The following DOCK1 variants were observed in gnomAD, a reference collection of about 807,000 sequenced individuals.
DOCK1 encodes the protein dedicator of cytokinesis 1, also known as dedicator of cytokinesis protein 1.
A neutral mutation model predicts 262.7 loss-of-function variants in DOCK1; 138 were observed. That is an observed-to-expected ratio of 0.53 (90% CI 0.46 to 0.61). The LOEUF (loss-of-function observed/expected upper bound fraction) is 0.61. Among genes scored for constraint, DOCK1 ranks in the 20% least tolerant of loss-of-function variants. The pLI is 0.00. For missense variants in DOCK1, 1,908 were observed against 2,370.7 expected (o/e 0.80, Z 4.05); for synonymous variants, 866 against 867.4 (o/e 1.00, Z 0.03).
chr10:127,286,631 A>G (rs1590277908), intron 29 of DOCK1, among the ~76,000 whole-genome samples: 1 of 152,266 alleles, frequency 6.6e-6, no homozygotes, highest in Non-Finnish European at 1.5e-5. Flanking sequence ...TGTTGAAGCA[A>G]ATCTTAGGCA....
chr10:127,190,106 C>G (rs1395018798), intron 27 of DOCK1, among the ~76,000 whole-genome samples: 1 of 152,178 alleles, frequency 6.6e-6, no homozygotes, highest in Non-Finnish European at 1.5e-5. Flanking sequence ...CTCAATTCTC[C>G]TTATTTGCTT....
chr10:127,032,542 CTTTTAT>C (rs960268605), intron 18 of DOCK1, among the ~76,000 whole-genome samples: 2 of 152,058 alleles, frequency 1.3e-5, no homozygotes, highest in Admixed American at 6.6e-5. Flanking sequence ...AAGGGTTATT[CTTTTAT>C]TTTTATTTTT....
intron 23 of DOCK1, among the ~76,000 whole-genome samples, chr10:127,092,342 C>T (rs1447355839): frequency 2.0e-5 from 3 of 152,180 alleles, no homozygotes; most frequent in South Asian, 4.1e-4. Flanking sequence ...AGGCATCGCT[C>T]CCGCCACAGG....
intron 28 of DOCK1, among the ~76,000 whole-genome samples, chr10:127,252,120 A>G (rs1351034818): frequency 6.9e-6 from 1 of 145,514 alleles, no homozygotes; most frequent in Non-Finnish European, 1.5e-5. Context: ...TTTGATTTGC[A>G]TTTCTCTGAT....
chr10:127,088,962 G>C (rs949581745), intron 23 of DOCK1, among the ~76,000 whole-genome samples: 2 of 152,026 alleles, frequency 1.3e-5, no homozygotes, highest in South Asian at 4.2e-4. Flanking sequence ...AGTGCACCAG[G>C]GGTCTGGAAC....
rs1054475177 is a variant in DOCK1 at position 127,204,400 on chromosome 10, C to T, written c.2848-43608C>T. The stretch of plus-strand genomic sequence containing the variant: ...CTGCCAGGTTCAAGCAATTCTCCTG[C>T]CTCAGCCTCCTGAGTAGCTGGGATT... On this transcript the variant is annotated intron_variant, in intron 27 of 51. Transcript: ENST00000623213. Among the ~76,000 whole-genome samples, 7 of 152,178 alleles carry T rather than the reference C, an allele frequency of 4.6e-5. No individual in the cohort carries two copies. The East Asian group carries it at 1.2e-3, about 25-fold the overall frequency.
At chr10:127,254,827 G>T (rs915712199) in intron 28 of DOCK1, among the ~76,000 whole-genome samples, 2 of 152,210 alleles carry the variant, frequency 1.3e-5, no homozygotes, top group East Asian at 1.9e-4. Context: ...GGGGAAATGG[G>T]TTCAGTGTGA....
At chr10:127,319,188 A>C (rs942041417) in intron 29 of DOCK1, among the ~76,000 whole-genome samples, 7 of 152,272 alleles carry the variant, frequency 4.6e-5, no homozygotes, top group East Asian at 1.9e-4. Context: ...ATCAGTAAGA[A>C]AACTGTTTCC....
Position 127,061,753 on chromosome 10 carries a change from T to C in DOCK1, c.2422T>C (p.Ser808Pro), listed in dbSNP as rs374649102. Residue 808 changes from serine (S) to proline (P), a missense_variant, in exon 23 of 52, where the codon TCA (serine) becomes CCA (proline). Ser to Pro is a moderately conservative substitution (Grantham distance 74). Transcript: ENST00000623213. ...RSINDMMSSM[S>P]DQTVRVKGAA... ...CATCAATGACATGATGAGCAGCATG[T>C]CAGACCAGACCGTCCGGGTGAAGGT... is the stretch of plus-strand genomic sequence containing the variant. 10 of 1,591,840 alleles carry C rather than the reference T, an allele frequency of 6.3e-6. No homozygotes were observed. The highest frequency in any genetic ancestry group is 6.8e-6 in the Non-Finnish European group (8 of 1,169,020).
At chr10:127,321,201 A>G (rs1232827494) in intron 29 of DOCK1, among the ~76,000 whole-genome samples, 2 of 122,774 alleles carry the variant, frequency 1.6e-5, no homozygotes, top group Non-Finnish European at 3.4e-5. Context: ...CTCTCGCTCT[A>G]TCTCTCTCCC....
chr10:127,262,059 T>C, intron 29 of DOCK1, among the ~76,000 whole-genome samples: 1 of 136,890 alleles, frequency 7.3e-6, no homozygotes, highest in Admixed American at 7.4e-5. Context: ...CCTGTGCTCT[T>C]CTGTGTGTGT....
chr10:127,230,311 G>T (rs763471187), intron 27 of DOCK1, among the ~76,000 whole-genome samples: 1 of 151,832 alleles, frequency 6.6e-6, no homozygotes, highest in Non-Finnish European at 1.5e-5. Context: ...TTTTTATTGT[G>T]CTTTTTAAGG....
intron 33 of DOCK1, among the ~76,000 whole-genome samples, chr10:127,370,216 A>G (rs753592083): frequency 1.3e-5 from 2 of 152,214 alleles, no homozygotes; most frequent in Non-Finnish European, 2.9e-5. Context: ...AGGAGAAACT[A>G]GAGCACTCTG....
At chr10:126,959,565 G>C (rs905420272) in intron 1 of DOCK1, among the ~76,000 whole-genome samples, 2 of 152,202 alleles carry the variant, frequency 1.3e-5, no homozygotes, top group Admixed American at 1.3e-4. Flanking sequence ...GAGACCCTCT[G>C]ACGTGCCAGG....
chr10:127,021,053 C>G (rs758828264), intron 13 of DOCK1, among the ~76,000 whole-genome samples: 8 of 152,182 alleles, frequency 5.3e-5, no homozygotes, highest in Non-Finnish European at 1.0e-4. Context: ...CCAGAATGTT[C>G]TGTAACCTGG....
chr10:127,019,320 T>A (rs1259066918), intron 13 of DOCK1, among the ~76,000 whole-genome samples: 3 of 152,210 alleles, frequency 2.0e-5, no homozygotes, highest in Admixed American at 1.3e-4. Flanking sequence ...TTAACATTAA[T>A]CTCATATTTA....
chr10:127,207,032 T>C (rs536740908), intron 27 of DOCK1, among the ~76,000 whole-genome samples: 7 of 152,284 alleles, frequency 4.6e-5, no homozygotes, highest in Non-Finnish European at 8.8e-5. Context: ...AGTGGAGGTG[T>C]AATCTCTCCC....
intron 1 of DOCK1, among the ~76,000 whole-genome samples, chr10:126,912,587 G>A (rs1365152671): frequency 6.8e-6 from 1 of 147,712 alleles, no homozygotes; most frequent in Non-Finnish European, 1.5e-5. Context: ...CTAGCCGGGC[G>A]TGGTGGCGGG....
intron 6 of DOCK1, 116 bp from the exon 7 acceptor site, chr10:126,996,632 C>T: frequency 1.9e-6 from 2 of 1,067,266 alleles, no homozygotes; most frequent in Non-Finnish European, 2.5e-6. Context: ...ATATTTTGGG[C>T]AAGCCCGAGT....
Sources: gnomAD v4.1 joint callset for allele counts (sites outside exome capture counted in the v4.1 genomes callset) on GRCh38, gnomAD v4.1.1 for gene constraint, MANE v1.5 for transcripts, NCBI Gene and HGNC (gene_info 2026-07-23, HGNC 2026-07-21) for gene names.